TUSC3: variants seen among roughly 807,000 people sequenced by gnomAD.
TUSC3 encodes the protein dolichyl-diphosphooligosaccharide--protein glycosyltransferase subunit TUSC3.
A neutral mutation model predicts 44.8 loss-of-function variants in TUSC3; 45 were observed. That is an observed-to-expected ratio of 1.00 (90% confidence interval 0.79 to 1.29). TUSC3 has a LOEUF of 1.29. Among genes scored for constraint, TUSC3 ranks in the 50% most tolerant of loss-of-function variants. The probability of loss-of-function intolerance (pLI) is 0.00; values close to 1 mark genes in which losing one functional copy is unlikely to be tolerated. For missense variants in TUSC3, 519 were observed against 437.9 expected (o/e 1.19, Z -1.65); for synonymous variants, 212 against 152.9 (o/e 1.39, Z -2.85).
chr8:15,778,175 T>G, the TUSC3 span, among the ~76,000 whole-genome samples: 1 of 152,178 alleles, frequency 6.6e-6, no homozygotes, highest in Non-Finnish European at 1.5e-5. Flanking sequence ...AATTAGGAAT[T>G]ACTTCTTAAG....
chr8:15,613,005 G>A (rs746557506), intron 1 of TUSC3, among the ~76,000 whole-genome samples: 1 of 150,566 alleles, frequency 6.6e-6, no homozygotes, highest in Non-Finnish European at 1.5e-5. Context: ...GCACTAAGCC[G>A]TTTACTTAAG....
chr8:15,681,593 G>A (rs1198207700), intron 6 of TUSC3, among the ~76,000 whole-genome samples: 1 of 147,220 alleles, frequency 6.8e-6, no homozygotes, highest in Non-Finnish European at 1.5e-5. Flanking sequence ...GTAGTCTTTC[G>A]ATCTTGTTTA....
At chr8:15,731,776 T>C (rs776824795) in intron 7 of TUSC3, among the ~76,000 whole-genome samples, 1 of 152,194 alleles carries the variant, frequency 6.6e-6, no homozygotes, top group Non-Finnish European at 1.5e-5. Context: ...ATTGAAGTTT[T>C]TGGATTTTAT....
intron 1 of TUSC3, among the ~76,000 whole-genome samples, chr8:15,454,054 C>T (rs1014987116): frequency 6.6e-6 from 1 of 152,126 alleles, no homozygotes; most frequent in Non-Finnish European, 1.5e-5. Context: ...CATGTGTACA[C>T]CTCCAGTAAA....
chr8:15,656,030 A>G (rs1585198838), intron 3 of TUSC3, among the ~76,000 whole-genome samples: 1 of 152,260 alleles, frequency 6.6e-6, no homozygotes, highest in East Asian at 1.9e-4. Flanking sequence ...TTCTGCTACA[A>G]CAGAATACCT....
intron 2 of TUSC3, among the ~76,000 whole-genome samples, chr8:15,646,685 A>C (rs1806648129): frequency 6.6e-6 from 1 of 152,128 alleles, no homozygotes; most frequent in Non-Finnish European, 1.5e-5. Flanking sequence ...ATAAAAAAGA[A>C]CTGCAGAAGA....
At chr8:15,701,771 C>T (rs1443268158) in intron 6 of TUSC3, among the ~76,000 whole-genome samples, 1 of 152,128 alleles carries the variant, frequency 6.6e-6, no homozygotes, top group Non-Finnish European at 1.5e-5. Flanking sequence ...TAGGCAAATT[C>T]TGTGATGGAA....
At chr8:15,781,364 C>T in the TUSC3 span, among the ~76,000 whole-genome samples, 1 of 152,160 alleles carries the variant, frequency 6.6e-6, no homozygotes, top group Non-Finnish European at 1.5e-5. Flanking sequence ...ATATCCTAAT[C>T]TTCTGGGGCC....
rs147253384 is a variant in TUSC3, at chr8:15,707,066, A to G, written c.799-23600A>G. ...ACCTGACTGCTTTTTTTGAGTTACT[A>G]TGTCTCAAAGCTTTATCACCATGGG... On this transcript the variant is annotated intron_variant, in intron 6 of 10. Coordinates refer to ENST00000503731, the MANE Select transcript of TUSC3 (RefSeq NM_006765.4). Among the ~76,000 whole-genome samples, 990 of 152,052 alleles carry G rather than the reference A, an allele frequency of 6.5e-3. 13 individuals are homozygous for G. The highest frequency in any genetic ancestry group is 0.022 in the African/African-American group (916 of 41,514).
chr8:15,730,744 T>C lies in TUSC3; in HGVS notation c.862+15T>C, dbSNP rs775178904. ...TCTGGTACTGAGTATCCTTTTAAGA[T>C]ACCGACGAATTGAAAAGGGCAAACT... is the stretch of plus-strand genomic sequence containing the variant. On this transcript the variant is annotated intron_variant, in intron 7 of 10. Transcript: ENST00000503731. The C allele has an allele frequency of 3.7e-6, 6 of 1,612,284 alleles. No individual in the cohort carries two copies. Among genetic ancestry groups the C allele is most frequent in the African/African-American group, 1.3e-5 (1 of 75,006 alleles).
upstream of TUSC3, among the ~76,000 whole-genome samples, chr8:15,539,548 C>T (rs1181753154): frequency 6.6e-6 from 1 of 151,574 alleles, no homozygotes; most frequent in Non-Finnish European, 1.5e-5. Flanking sequence ...ATGGGGTTTC[C>T]CCATGTTACG....
At chr8:15,784,825 G>T in the TUSC3 span, among the ~76,000 whole-genome samples, 1 of 152,106 alleles carries the variant, frequency 6.6e-6, no homozygotes, top group Admixed American at 6.6e-5. Flanking sequence ...AGTAAGTTCT[G>T]GTTACCTATT....
At chr8:15,426,138 T>C (rs969611058) in intron 1 of TUSC3, among the ~76,000 whole-genome samples, 10 of 152,254 alleles carry the variant, frequency 6.6e-5, no homozygotes, top group African/African-American at 2.4e-4. Flanking sequence ...GTACATTTGA[T>C]GAGTTTGATA....
chr8:15,493,754 G>C (rs964564046), intron 2 of TUSC3, among the ~76,000 whole-genome samples: 8 of 152,082 alleles, frequency 5.3e-5, no homozygotes, highest in African/African-American at 1.9e-4. Flanking sequence ...AGTTCAAAAA[G>C]TGAGCCCCCA....
chr8:15,533,485 A>C (rs1004060762), intron 2 of TUSC3, among the ~76,000 whole-genome samples: 1 of 152,210 alleles, frequency 6.6e-6, no homozygotes, highest in East Asian at 1.9e-4. Flanking sequence ...TGCTAGGGTG[A>C]AATTCAACCG....
At chr8:15,782,356 G>C in the TUSC3 span, among the ~76,000 whole-genome samples, 1 of 152,162 alleles carries the variant, frequency 6.6e-6, no homozygotes, top group East Asian at 1.9e-4. Flanking sequence ...TCATGTGCCT[G>C]TAGTCATAGC....
At chr8:15,832,641 C>A in the TUSC3 span, among the ~76,000 whole-genome samples, 14 of 152,186 alleles carry the variant, frequency 9.2e-5, no homozygotes, top group Middle Eastern at 3.4e-3. Flanking sequence ...ATCTTAATTT[C>A]AGACAAAACA....
At chr8:15,471,906 C>A (rs1480836109) in intron 1 of TUSC3, among the ~76,000 whole-genome samples, 2 of 152,138 alleles carry the variant, frequency 1.3e-5, no homozygotes, top group African/African-American at 4.8e-5. Flanking sequence ...GCATGAGCTG[C>A]CACACCTGGC....
At chr8:15,425,824 A>T (rs1799796698) in intron 1 of TUSC3, among the ~76,000 whole-genome samples, 1 of 152,194 alleles carries the variant, frequency 6.6e-6, no homozygotes, top group South Asian at 2.1e-4. Flanking sequence ...CCACAAATAT[A>T]ATCAATGTAT....
Sources: gnomAD v4.1 joint callset for allele counts (sites outside exome capture counted in the v4.1 genomes callset) on GRCh38, gnomAD v4.1.1 for gene constraint, MANE v1.5 for transcripts, NCBI Gene and HGNC (gene_info 2026-07-23, HGNC 2026-07-21) for gene names.